The following SLX4IP variants were observed in gnomAD, a reference collection of about 807,000 sequenced individuals.
The protein encoded by SLX4IP is SLX4 interacting protein, also known as protein SLX4IP.
A neutral mutation model predicts 32.9 loss-of-function variants in SLX4IP; 34 were observed. The observed-to-expected ratio is 1.03, with a 90% confidence interval of 0.79 to 1.38. SLX4IP has a LOEUF of 1.38. SLX4IP is among the 40% of genes most tolerant of loss of function. The pLI is 0.00. For missense variants in SLX4IP, 444 were observed against 479.0 expected (o/e 0.93, Z 0.68); for synonymous variants, 172 against 171.7 (o/e 1.00, Z -0.01).
chr20:10,600,041 A>G (rs779894381), intron 5 of SLX4IP, among the ~76,000 whole-genome samples: 13 of 151,242 alleles, frequency 8.6e-5, no homozygotes, highest in Non-Finnish European at 1.3e-4. Flanking sequence ...TTTCAATTTT[A>G]TGATTTTTTT....
Position 10,457,639 on chromosome 20 carries a change from C to T in SLX4IP, c.-29-537C>T, listed in dbSNP as rs191151075. Among the ~76,000 whole-genome samples, 467 of 152,040 alleles carry T rather than the reference C, an allele frequency of 3.1e-3. 3 individuals carry two copies. Among genetic ancestry groups the T allele is most frequent in the African/African-American group, 0.01 (434 of 41,486 alleles). ...ATTTTGTTGAGAATTTTTGTGTCTT[C>T]ATAAGGGACATTGATGTGTGGTTTT... On this transcript the variant is annotated intron_variant, in intron 1 of 7. Transcript: ENST00000334534.
chr20:10,438,308 A>G (rs966425364), intron 1 of SLX4IP, among the ~76,000 whole-genome samples: 1 of 151,196 alleles, frequency 6.6e-6, no homozygotes, highest in African/African-American at 2.4e-5. Flanking sequence ...ACAATTTGGT[A>G]TGTTTATGCC....
intron 2 of SLX4IP, among the ~76,000 whole-genome samples, chr20:10,538,529 C>CT (rs1293744404): frequency 0.03 from 4,282 of 143,916 alleles, 55 homozygotes; most frequent in Non-Finnish European, 0.036. Flanking sequence ...AGCCCTTCAT[C>CT]TTTTTTTTTT....
chr20:10,457,399 A>G (rs561957846), intron 1 of SLX4IP, among the ~76,000 whole-genome samples: 5 of 144,514 alleles, frequency 3.5e-5, no homozygotes, highest in South Asian at 2.1e-4. Flanking sequence ...TTCTATTCCT[A>G]TTGTGTTGGC....
At chr20:10,513,195 T>C (rs1008776283) in intron 2 of SLX4IP, among the ~76,000 whole-genome samples, 2 of 152,050 alleles carry the variant, frequency 1.3e-5, no homozygotes, top group African/African-American at 2.4e-5. Flanking sequence ...CCAAAGGCTT[T>C]ATATATGGCC....
intron 2 of SLX4IP, among the ~76,000 whole-genome samples, chr20:10,477,941 A>T (rs1312517691): frequency 7.1e-6 from 1 of 140,454 alleles, no homozygotes; most frequent in Non-Finnish European, 1.5e-5. Flanking sequence ...TCTATCGCCC[A>T]TGCTGGAGTG....
intron 4 of SLX4IP, among the ~76,000 whole-genome samples, chr20:10,575,988 G>A (rs557032081): frequency 1.3e-5 from 2 of 152,202 alleles, no homozygotes; most frequent in East Asian, 3.9e-4. Context: ...AACACATTGG[G>A]ACCGTGATTT....
intron 2 of SLX4IP, among the ~76,000 whole-genome samples, chr20:10,546,050 C>T (rs2066159151): frequency 6.6e-6 from 1 of 152,180 alleles, no homozygotes; most frequent in Admixed American, 6.5e-5. Flanking sequence ...CATGATCACA[C>T]ATGTTAGATC....
In SLX4IP at chr20:10,556,290, T is replaced by TA. The variant is rs2066266812; in HGVS notation, c.88dup (p.Thr30AsnfsTer6). On this transcript the variant is annotated frameshift_variant, in exon 3 of 8. Transcript: ENST00000334534. LOFTEE classifies it high-confidence loss of function. ...TCTTGCCACAAGGTTCAAACAAAGA[T>TA]ACAAGCTGGTTTTCTGAACAGAAGA... 6.2e-7 allele frequency: 1 copy of TA among 1,613,380 alleles called. No individual in the cohort carries two copies.
At chr20:10,601,295 T>A (rs2066838836) in intron 5 of SLX4IP, among the ~76,000 whole-genome samples, 1 of 152,196 alleles carries the variant, frequency 6.6e-6, no homozygotes. Context: ...ACCAAGGAGA[T>A]GATAAGTAAA....
intron 2 of SLX4IP, among the ~76,000 whole-genome samples, chr20:10,518,373 C>CTCTTTCTTTCCTTCTTCCTTTCTT (rs1568719829): frequency 5.0e-5 from 5 of 99,098 alleles, no homozygotes; most frequent in Non-Finnish European, 2.7e-5. Context: ...CTTTCTCTCT[C>CTCTTTCTTTCCTTCTTCCTTTCTT]TCTTTCTTTC....
At chr20:10,507,563 A>G (rs536375039) in intron 2 of SLX4IP, among the ~76,000 whole-genome samples, 2 of 151,948 alleles carry the variant, frequency 1.3e-5, no homozygotes, top group South Asian at 2.1e-4. Context: ...AGGACCAAAA[A>G]CCTCATGAGG....
rs189812669 is a variant in SLX4IP, at chr20:10,450,418, C to T, written c.-29-7758C>T. Among the ~76,000 whole-genome samples, 135 of 152,264 alleles carry T rather than the reference C, an allele frequency of 8.9e-4. 4 individuals are homozygous for T. The East Asian group carries it at 0.017, about 19-fold the overall frequency. ...AAAAATTCATATAAAGTTTTCAGGA[C>T]AACCTTTATATACATTGTTTTTAAA... On this transcript the variant is annotated intron_variant, in intron 1 of 7. Transcript: ENST00000334534.
chr20:10,437,147 A>T (rs1045992621), intron 1 of SLX4IP, among the ~76,000 whole-genome samples: 7 of 151,608 alleles, frequency 4.6e-5, no homozygotes, highest in African/African-American at 1.7e-4. Flanking sequence ...ATTTTTTGAG[A>T]CAGGGTATAA....
intron 3 of SLX4IP, 33 bp from the exon 4 acceptor site, chr20:10,560,667 T>A: frequency 7.0e-7 from 1 of 1,434,098 alleles, no homozygotes; most frequent in Non-Finnish European, 9.4e-7. Flanking sequence ...GCATTAAATT[T>A]GAAGGTTATA....
intron 6 of SLX4IP, among the ~76,000 whole-genome samples, chr20:10,604,425 A>G (rs2066881031): frequency 6.7e-6 from 1 of 149,098 alleles, no homozygotes; most frequent in African/African-American, 2.4e-5. Context: ...TCAATGTCTA[A>G]GTGACAATTT....
Position 10,578,449 on chromosome 20 carries a change from G to A in SLX4IP, c.238+17629G>A, listed in dbSNP as rs150445222. ...ATTTTATTACAAATAATGTTCCATG[G>A]TATGGATCTATCATATTTTGTCCAT... On this transcript the variant is annotated intron_variant, in intron 4 of 7. Transcript: ENST00000334534. 3.9e-5 allele frequency among the ~76,000 whole-genome samples: 6 copies of A among 152,240 alleles called. No individual in the cohort carries two copies. The East Asian group carries it at 1.2e-3, about 29-fold the overall frequency.
chr20:10,455,900 C>G (rs1020472407), intron 1 of SLX4IP, among the ~76,000 whole-genome samples: 1 of 152,040 alleles, frequency 6.6e-6, no homozygotes, highest in Non-Finnish European at 1.5e-5. Context: ...TGTGAGCCAC[C>G]GTGCCTGGCC....
At position 10,623,662 on chromosome 20, in the gene SLX4IP, C is replaced by T. The variant is rs944232889; in HGVS notation, c.*283C>T. ...GCCATCCACCTTGTCAGGGAGGAGA[C>T]TGTGCAAGGACTGCATGAAGAAACT... On this transcript the variant is annotated 3_prime_UTR_variant, in exon 8 of 8. Transcript: ENST00000334534. 9 of 449,098 alleles carry T rather than the reference C, an allele frequency of 2.0e-5. No homozygotes were observed. Among genetic ancestry groups the T allele is most frequent in the African/African-American group, 1.8e-4 (9 of 50,836 alleles). The allele number at this position is 449,098 out of a possible 1,614,324, so 27.8% of individuals were successfully genotyped here. A position where few individuals can be genotyped will look rare whatever the true frequency, so the allele number is the denominator to read the frequency against.
Sources: allele counts gnomAD v4.1 joint callset (sites outside exome capture counted in the v4.1 genomes callset), GRCh38; gene constraint gnomAD v4.1.1; transcripts MANE v1.5; gene names NCBI Gene and HGNC (gene_info 2026-07-23, HGNC 2026-07-21).